The following PPA2 variants were observed in gnomAD, a reference collection of about 807,000 sequenced individuals.
The protein encoded by PPA2 is inorganic pyrophosphatase 2, mitochondrial.
A neutral mutation model predicts 49.5 loss-of-function variants in PPA2; 48 were observed. That is an observed-to-expected ratio of 0.97 (90% CI 0.77 to 1.23). PPA2 has a LOEUF of 1.23. PPA2 is among the 50% of genes most tolerant of loss of function. The probability of loss-of-function intolerance (pLI) is 0.00; values close to 1 mark genes in which losing one functional copy is unlikely to be tolerated. For missense variants in PPA2, 429 were observed against 410.1 expected (o/e 1.05, Z -0.40); for synonymous variants, 131 against 139.9 (o/e 0.94, Z 0.45).
In PPA2 at chr4:105,405,652, CA is replaced by C. The variant is rs565359482; in HGVS notation, c.656-6489del. 21 of 1,012,832 alleles carry C rather than the reference CA, an allele frequency of 2.1e-5. No individual in the cohort carries two copies. The African/African-American group carries it at 2.9e-4, about 14-fold the overall frequency. 62.7% of individuals were successfully genotyped at this position (1,012,832 alleles called of 1,614,324 possible). On this transcript the variant is annotated intron_variant, in intron 7 of 11. Transcript: ENST00000341695. ...CCAAAGCATTCTGCTTCGGAAAAAA[CA>C]GAGACCTTTTGACAGGAGGGGCACT...
intron 10 of PPA2, among the ~76,000 whole-genome samples, chr4:105,372,187 G>A (rs1423456949): frequency 6.6e-6 from 1 of 152,286 alleles, no homozygotes; most frequent in Non-Finnish European, 1.5e-5. Context: ...TAGAATGGGG[G>A]CATGCCTCCT....
intron 10 of PPA2, among the ~76,000 whole-genome samples, chr4:105,380,031 A>T (rs538717339): frequency 8.5e-5 from 13 of 152,144 alleles, no homozygotes; most frequent in Non-Finnish European, 1.8e-4. Context: ...TGCTATGGAG[A>T]CATTCATGCC....
At chr4:105,408,888 C>A (rs1722609013) in intron 7 of PPA2, among the ~76,000 whole-genome samples, 1 of 152,168 alleles carries the variant, frequency 6.6e-6, no homozygotes, top group African/African-American at 2.4e-5. Context: ...AAATCCTTGA[C>A]AATTAGGATT....
chr4:105,461,033 A>G (rs2110323894), intron 1 of PPA2, among the ~76,000 whole-genome samples: 1 of 152,310 alleles, frequency 6.6e-6, no homozygotes, highest in East Asian at 1.9e-4. Context: ...CTACTTCTAG[A>G]AAACAAATAT....
At chr4:105,382,343 G>A (rs1297720706) in intron 10 of PPA2, among the ~76,000 whole-genome samples, 1 of 152,028 alleles carries the variant, frequency 6.6e-6, no homozygotes, top group African/African-American at 2.4e-5. Flanking sequence ...AAAAAATTAT[G>A]TATTCACTAA....
intron 1 of PPA2, among the ~76,000 whole-genome samples, chr4:105,467,147 G>C (rs908352900): frequency 2.0e-5 from 3 of 152,204 alleles, no homozygotes; most frequent in African/African-American, 7.2e-5. Context: ...TGTTGAGGGA[G>C]GGGAGCCCTC....
At chr4:105,409,428 C>A (rs577788292) in intron 7 of PPA2, among the ~76,000 whole-genome samples, 4 of 152,186 alleles carry the variant, frequency 2.6e-5, no homozygotes, top group Admixed American at 1.3e-4. Flanking sequence ...CAGTGCCCCT[C>A]TGCAAGGCCT....
chr4:105,432,614 G>A (rs6813117), intron 6 of PPA2, among the ~76,000 whole-genome samples: 1 of 152,216 alleles, frequency 6.6e-6, no homozygotes, highest in African/African-American at 2.4e-5. Flanking sequence ...GATAGGGCAA[G>A]CTTGTCCAAC....
chr4:105,440,553 G>A (rs112180687), intron 5 of PPA2, among the ~76,000 whole-genome samples: 5,026 of 152,154 alleles, frequency 0.033, 275 homozygotes, highest in African/African-American at 0.11. Context: ...GAGCCACTGC[G>A]CCGGCCAATA....
chr4:105,398,098 C>T (rs1734218840), intron 8 of PPA2, among the ~76,000 whole-genome samples: 1 of 152,008 alleles, frequency 6.6e-6, no homozygotes, highest in Non-Finnish European at 1.5e-5. Context: ...AAAAAAACTA[C>T]CTCATTCTTT....
At chr4:105,432,011 G>A (rs1358769060) in intron 6 of PPA2, among the ~76,000 whole-genome samples, 1 of 152,188 alleles carries the variant, frequency 6.6e-6, no homozygotes, top group Non-Finnish European at 1.5e-5. Context: ...AGATACAGGT[G>A]ATGGTTGTAC....
At chr4:105,402,488 G>A (rs1195914083) in intron 7 of PPA2, among the ~76,000 whole-genome samples, 2 of 152,188 alleles carry the variant, frequency 1.3e-5, no homozygotes, top group African/African-American at 4.8e-5. Flanking sequence ...GAGGAAGACA[G>A]TAAATGCAAA....
Position 105,446,499 on chromosome 4 carries a change from C to T in PPA2, c.325G>A (p.Ala109Thr). The stretch of plus-strand genomic sequence containing the variant: ...ATGGGATTCATTGGCTCCTTGGTGG[C>T]AATCTAAGCAAATCACAGAAGGAAG... The part of the protein sequence containing the change: ...PRWTNAKMEI[A>T]TKEPMNPIKQ... The change falls in exon 5 of 12, where the codon GCC (alanine) becomes ACC (threonine). Residue 109 changes from alanine to threonine, a missense_variant. Coordinates refer to ENST00000341695, the MANE Select transcript of PPA2 (RefSeq NM_176869.3). 2 of 1,598,698 alleles carry T rather than the reference C, an allele frequency of 1.3e-6. No individual in the cohort carries two copies. Among genetic ancestry groups the T allele is most frequent in the South Asian group, 1.2e-5 (1 of 86,918 alleles).
chr4:105,462,348 G>C (rs1723127821), intron 1 of PPA2, among the ~76,000 whole-genome samples: 1 of 152,178 alleles, frequency 6.6e-6, no homozygotes, highest in African/African-American at 2.4e-5. Context: ...TTGAAAACAA[G>C]CTATTGCCAA....
Position 105,409,667 on chromosome 4 carries a change from G to A in PPA2, c.656-10503C>T, listed in dbSNP as rs190210405. On this transcript the variant is annotated intron_variant, in intron 7 of 11. Coordinates refer to ENST00000341695, the MANE Select transcript of PPA2 (RefSeq NM_176869.3). ...GCCGACAGACACCTCATACAGGTGG[G>A]TGCCCCTCTGGGACAAAGCTTCCAG... Among the ~76,000 whole-genome samples the A allele has an allele frequency of 5.8e-3, 888 of 152,318 alleles. 8 individuals are homozygous for A. The highest frequency in any genetic ancestry group is 7.8e-3 in the Non-Finnish European group (530 of 68,028).
At position 105,369,241 on chromosome 4, in the gene PPA2, T is replaced by TC. The variant is rs1190282443; in HGVS notation, c.*483_*484insG. ...ATGAAACAAAATCTTTTTTTTTTTT[T>TC]TGAGACGGAGTCTCTCTCTGTCGCC... On this transcript the variant is annotated 3_prime_UTR_variant, in exon 12 of 12. Transcript: ENST00000341695. 3.3e-5 allele frequency: 5 copies of TC among 152,176 alleles called. No individual in the cohort carries two copies. The highest frequency in any genetic ancestry group is 7.3e-5 in the Non-Finnish European group (5 of 68,098). 9.4% of individuals were successfully genotyped at this position (152,176 alleles called of 1,614,324 possible).
intron 10 of PPA2, among the ~76,000 whole-genome samples, chr4:105,379,207 G>T (rs1733375178): frequency 2.0e-5 from 3 of 151,850 alleles, no homozygotes; most frequent in South Asian, 2.1e-4. Flanking sequence ...CAGGGTGCAG[G>T]TTCTTTGCAT....
chr4:105,372,115 GAAACAGGCTT>G (rs1733050588), intron 10 of PPA2, among the ~76,000 whole-genome samples: 1 of 152,192 alleles, frequency 6.6e-6, no homozygotes, highest in Non-Finnish European at 1.5e-5. Flanking sequence ...ACAGGCCCCA[GAAACAGGCTT>G]AAACCTGTCT....
chr4:105,398,089 A>G (rs1047980712), intron 8 of PPA2, among the ~76,000 whole-genome samples: 10 of 151,728 alleles, frequency 6.6e-5, no homozygotes, highest in Non-Finnish European at 1.5e-4. Flanking sequence ...AACAAACAAA[A>G]AAAAACTACC....
Sources: allele counts gnomAD v4.1 joint callset (sites outside exome capture counted in the v4.1 genomes callset), GRCh38; gene constraint gnomAD v4.1.1; transcripts MANE v1.5; gene names NCBI Gene and HGNC (gene_info 2026-07-23, HGNC 2026-07-21).